TXNL4A: variants seen among roughly 807,000 people sequenced by gnomAD.
TXNL4A encodes the protein thioredoxin-like protein 4A.
TXNL4A carries 17 observed loss-of-function variants against 14.6 expected under a neutral mutation model. The observed-to-expected ratio is 1.16, with a 90% CI of 0.80 to 1.74. The LOEUF (loss-of-function observed/expected upper bound fraction) is 1.74. TXNL4A is among the 40% of genes most tolerant of loss of function. TXNL4A has a pLI of 0.00. For synonymous variants in TXNL4A, 83 were observed against 70.6 expected (o/e 1.18, Z -0.88); for missense variants, 74 against 195.2 (o/e 0.38, Z 3.70).
intron 1 of TXNL4A, among the ~76,000 whole-genome samples, chr18:80,030,946 G>A (rs1016843775): frequency 6.6e-6 from 1 of 152,166 alleles, no homozygotes; most frequent in Non-Finnish European, 1.5e-5. Flanking sequence ...CAGCCTGGGC[G>A]ATGGAGTGAG....
intron 1 of TXNL4A, among the ~76,000 whole-genome samples, chr18:79,999,387 T>C (rs1286889269): frequency 6.6e-6 from 1 of 151,802 alleles, no homozygotes; most frequent in African/African-American, 2.4e-5. Flanking sequence ...AATACAAAAA[T>C]TAGCCAGGCA....
intron 1 of TXNL4A, among the ~76,000 whole-genome samples, chr18:79,996,695 C>G (rs2051664940): frequency 6.6e-6 from 1 of 152,234 alleles, no homozygotes; most frequent in Admixed American, 6.5e-5. Flanking sequence ...GTAATCCCAG[C>G]ACTTTGGGAG....
intron 1 of TXNL4A, among the ~76,000 whole-genome samples, chr18:80,000,004 A>C (rs1204446456): frequency 6.6e-6 from 1 of 152,190 alleles, no homozygotes; most frequent in Non-Finnish European, 1.5e-5. Flanking sequence ...GCCATGTGAA[A>C]CTGTGAGTCC....
intron 1 of TXNL4A, among the ~76,000 whole-genome samples, chr18:79,997,476 A>G (rs1787853): frequency 2.6e-5 from 4 of 152,170 alleles, no homozygotes; most frequent in Admixed American, 2.0e-4. Context: ...ACACCCAATA[A>G]TCCCCAACCC....
chr18:80,031,666 G>C (rs949293105), intron 1 of TXNL4A, among the ~76,000 whole-genome samples: 2 of 152,190 alleles, frequency 1.3e-5, no homozygotes, highest in Non-Finnish European at 2.9e-5. Flanking sequence ...GCCAAACGAC[G>C]GGGTCATGCT....
At chr18:80,026,932 AAT>A (rs1200917190) in intron 1 of TXNL4A, among the ~76,000 whole-genome samples, 2 of 152,224 alleles carry the variant, frequency 1.3e-5, no homozygotes, top group Non-Finnish European at 2.9e-5. Flanking sequence ...GTTAAAACAT[AAT>A]CTTGTGACCA....
chr18:79,988,374 G>GGACCAGGCCATC lies in TXNL4A; in HGVS notation c.18_19insGATGGCCTGGTC (p.Pro6_His7insAspGlyLeuVal). 1 of 1,532,618 alleles carries GGACCAGGCCATC rather than the reference G, an allele frequency of 6.5e-7. No individual in the cohort carries two copies. The highest frequency in any genetic ancestry group is 8.8e-7 in the Non-Finnish European group (1 of 1,132,670). The allele number at this position is 1,532,618 out of a possible 1,614,324, so 94.9% of individuals were successfully genotyped here. A position where few individuals can be genotyped will look rare whatever the true frequency, so the allele number is the denominator to read the frequency against. On this transcript the variant is annotated inframe_insertion, in exon 1 of 3. Coordinates refer to ENST00000269601, the MANE Select transcript of TXNL4A (RefSeq NM_006701.5). Reference sequence around the variant, plus strand: ...TCCACCTGCCAGCCGTTGTGCAGGTGCGGGAGCATGTACGACATGGCGGCC... The same window carrying GGACCAGGCCATC: ...TCCACCTGCCAGCCGTTGTGCAGGTGGACCAGGCCATCCGGGAGCATGTACGACATGGCGGCC...
At chr18:79,984,903 C>T (rs2051521077) in intron 1 of TXNL4A, among the ~76,000 whole-genome samples, 1 of 152,202 alleles carries the variant, frequency 6.6e-6, no homozygotes, top group Non-Finnish European at 1.5e-5. Context: ...AGTGTTCCTA[C>T]AAAATGGAAA....
At chr18:80,002,365 G>A (rs1293368391) in intron 1 of TXNL4A, among the ~76,000 whole-genome samples, 2 of 152,148 alleles carry the variant, frequency 1.3e-5, no homozygotes, top group African/African-American at 4.8e-5. Context: ...CCCTCCTAGG[G>A]TGATGGGAAA....
rs191813818 is a variant in TXNL4A at position 79,975,868 on chromosome 18, G to C, written c.257+1730C>G. On this transcript the variant is annotated intron_variant, in intron 2 of 2. Transcript: ENST00000269601. Reference sequence around the variant, plus strand: ...CAAGAGAGGAAAGAGGCAAATTAGTGTAAGAACTGTTAACAAAAGGAATAA... The same window carrying C: ...CAAGAGAGGAAAGAGGCAAATTAGTCTAAGAACTGTTAACAAAAGGAATAA... Among the ~76,000 whole-genome samples the C allele has an allele frequency of 9.8e-5, 15 of 152,334 alleles. No homozygotes were observed. In the East Asian group the frequency reaches 2.3e-3, roughly 23 times the overall value.
chr18:79,993,248 G>T (rs914357931), upstream of TXNL4A, among the ~76,000 whole-genome samples: 99 of 152,160 alleles, frequency 6.5e-4, no homozygotes, highest in African/African-American at 2.4e-3. The surrounding 1 kb of genome is among the most constrained non-coding windows in gnomAD (Gnocchi z 4.4). Flanking sequence ...CTGAAGTCTC[G>T]GACCTCTTTT....
chr18:79,984,854 A>G (rs1424809867), intron 1 of TXNL4A, among the ~76,000 whole-genome samples: 2 of 152,172 alleles, frequency 1.3e-5, no homozygotes, highest in South Asian at 2.1e-4. Flanking sequence ...CTCACCCATC[A>G]TGGGATTTAG....
chr18:80,001,240 C>T (rs1181470656), intron 1 of TXNL4A, among the ~76,000 whole-genome samples: 2 of 152,114 alleles, frequency 1.3e-5, no homozygotes, highest in East Asian at 1.9e-4. Flanking sequence ...GCACAGAAGT[C>T]AAGAATTGAG....
At chr18:79,985,166 G>A (rs2051527501) in intron 1 of TXNL4A, among the ~76,000 whole-genome samples, 1 of 152,176 alleles carries the variant, frequency 6.6e-6, no homozygotes, top group Admixed American at 6.5e-5. Flanking sequence ...CCATGAAATT[G>A]TCTCCTGTGA....
chr18:80,014,986 G>A (rs916795469), intron 1 of TXNL4A, among the ~76,000 whole-genome samples: 3 of 152,240 alleles, frequency 2.0e-5, no homozygotes, highest in Admixed American at 2.0e-4. Flanking sequence ...TGAAGTCACA[G>A]CCCAAGCTGT....
At chr18:79,976,407 T>C (rs558171148) in intron 2 of TXNL4A, among the ~76,000 whole-genome samples, 5 of 152,238 alleles carry the variant, frequency 3.3e-5, no homozygotes, top group Admixed American at 3.3e-4. Flanking sequence ...TGAGGGTAAC[T>C]GGGTCTCTGG....
At chr18:80,000,080 G>A (rs570081873) in intron 1 of TXNL4A, among the ~76,000 whole-genome samples, 3 of 152,200 alleles carry the variant, frequency 2.0e-5, no homozygotes, top group Admixed American at 6.5e-5. Flanking sequence ...GTGTGAAAAC[G>A]GAGTAATACA....
Position 80,011,535 on chromosome 18 carries a change from G to A in TXNL4A, c.-61+22316C>T, listed in dbSNP as rs568684073. On this transcript the variant is annotated intron_variant, in intron 1 of 2. Coordinates refer to the TXNL4A transcript ENST00000585474. This position sits in a 1 kb window ranked among gnomAD's most constrained non-coding sequence, Gnocchi z 4.1. ...CAATATTGTGGGAAAGAGTTTCTGG[G>A]GCGCCAGATGAGTTGGTCTCCCCTG... Among the ~76,000 whole-genome samples the A allele has an allele frequency of 1.3e-3, 194 of 152,238 alleles. No individual in the cohort carries two copies. Among genetic ancestry groups the A allele is most frequent in the African/African-American group, 4.5e-3 (186 of 41,552 alleles).
chr18:80,019,909 T>C (rs2145124012), intron 1 of TXNL4A, among the ~76,000 whole-genome samples: 1 of 152,294 alleles, frequency 6.6e-6, no homozygotes, highest in Middle Eastern at 3.4e-3. Flanking sequence ...CCATTTTTAA[T>C]GGTTAAAGGT....
Sources: gnomAD v4.1 joint callset for allele counts (sites outside exome capture counted in the v4.1 genomes callset) on GRCh38, gnomAD v4.1.1 for gene constraint, Gnocchi (gnomAD v3.1) non-coding constraint, MANE v1.5 for transcripts, NCBI Gene and HGNC (gene_info 2026-07-23, HGNC 2026-07-21) for gene names.